IL1RAPL1: variants seen among roughly 807,000 people sequenced by gnomAD.
IL1RAPL1 encodes the protein interleukin 1 receptor accessory protein like 1.
IL1RAPL1 carries 3 observed loss-of-function variants against 48.4 expected under a neutral mutation model. The ratio of observed to expected loss-of-function variants is 0.06; its 90% CI spans 0.03 to 0.16. The LOEUF (loss-of-function observed/expected upper bound fraction) is 0.16, where lower values mean the gene tolerates loss of function less well. IL1RAPL1 is among the 10% of genes least tolerant of loss of function. IL1RAPL1 has a pLI of 1.00. For synonymous variants in IL1RAPL1, 185 were observed against 187.7 expected (o/e 0.99, Z 0.12); for missense variants, 349 against 530.6 (o/e 0.66, Z 3.36).
At chrX:28,954,561 T>C (rs1170933121) in intron 2 of IL1RAPL1, among the ~76,000 whole-genome samples, 1 of 110,248 alleles carries the variant, frequency 9.1e-6, no homozygotes, top group Non-Finnish European at 1.9e-5. Context: ...AAATGGAAAA[T>C]TTTTAGCACT....
chrX:28,605,953 C>T (rs1234969284), intron 1 of IL1RAPL1, among the ~76,000 whole-genome samples: 1 of 110,881 alleles, frequency 9.0e-6, no homozygotes, highest in Non-Finnish European at 1.9e-5. Context: ...GCTTACCTGT[C>T]ATCTTCTCCA....
intron 2 of IL1RAPL1, among the ~76,000 whole-genome samples, chrX:29,031,763 C>G (rs1172745412): frequency 9.0e-6 from 1 of 111,116 alleles, no homozygotes; most frequent in Non-Finnish European, 1.9e-5. Context: ...CATACGGATC[C>G]TTTTACGGTT....
chrX:29,574,007 C>T (rs1602304723), intron 5 of IL1RAPL1, among the ~76,000 whole-genome samples: 1 of 110,636 alleles, frequency 9.0e-6, no homozygotes, highest in Admixed American at 9.7e-5. Context: ...AGTCCATTCT[C>T]ACATTGCTAT....
At chrX:29,417,164 G>T (rs1019622622) in intron 5 of IL1RAPL1, among the ~76,000 whole-genome samples, 1 of 111,414 alleles carries the variant, frequency 9.0e-6, no homozygotes, top group Admixed American at 9.6e-5. Flanking sequence ...AATATTGAAG[G>T]CTCTTTCTTG....
At chrX:29,945,201 C>A (rs1240492098) in intron 9 of IL1RAPL1, among the ~76,000 whole-genome samples, 1 of 111,599 alleles carries the variant, frequency 9.0e-6, no homozygotes, top group African/African-American at 3.3e-5. Flanking sequence ...AGTCACAGCC[C>A]CTTAGAGCCT....
At chrX:29,639,568 A>T (rs1602340821) in intron 5 of IL1RAPL1, among the ~76,000 whole-genome samples, 3 of 93,623 alleles carry the variant, frequency 3.2e-5, no homozygotes, top group Admixed American at 1.2e-4. Context: ...TTTTTTTTTT[A>T]AAGCCTGAAT....
chrX:29,849,476 T>C (rs60910416), intron 6 of IL1RAPL1, among the ~76,000 whole-genome samples: 8,195 of 111,639 alleles, frequency 0.073, 507 homozygotes, highest in East Asian at 0.32. Flanking sequence ...AAATATTTTC[T>C]CAGGTATTGA....
intron 1 of IL1RAPL1, among the ~76,000 whole-genome samples, chrX:28,788,601 G>A (rs1208965585): frequency 9.3e-6 from 1 of 107,007 alleles, no homozygotes; most frequent in African/African-American, 3.4e-5. Flanking sequence ...CAAGTAGCTG[G>A]GCCTACAGGT....
intron 2 of IL1RAPL1, among the ~76,000 whole-genome samples, chrX:28,937,380 T>G (rs1193009300): frequency 1.8e-5 from 2 of 110,913 alleles, no homozygotes; most frequent in Non-Finnish European, 1.9e-5. Context: ...CCTACTTGAT[T>G]AAGGTAACTC....
At chrX:29,882,835 C>G (rs1369951329) in intron 6 of IL1RAPL1, among the ~76,000 whole-genome samples, 1 of 111,856 alleles carries the variant, frequency 8.9e-6, no homozygotes, top group Non-Finnish European at 1.9e-5. Flanking sequence ...CACAATCATA[C>G]AGGCCATACT....
At chrX:28,631,820 C>T (rs768255344) in intron 1 of IL1RAPL1, among the ~76,000 whole-genome samples, 4 of 112,159 alleles carry the variant, frequency 3.6e-5, no homozygotes, top group Non-Finnish European at 5.6e-5. Context: ...CATAAGTACT[C>T]CTAGCTTTGT....
chrX:29,202,315 A>G (rs1310499315), intron 2 of IL1RAPL1, among the ~76,000 whole-genome samples: 2 of 112,040 alleles, frequency 1.8e-5, no homozygotes, highest in Non-Finnish European at 3.8e-5. Context: ...ATGAGATACC[A>G]TCTCACATCA....
chrX:29,061,846 C>T lies in IL1RAPL1; in HGVS notation c.83-221092C>T, dbSNP rs139050350. On this transcript the variant is annotated intron_variant, in intron 2 of 10. Coordinates refer to ENST00000378993, the MANE Select transcript of IL1RAPL1 (RefSeq NM_014271.4). ...TTGTTGGTAATACTGTGTAGTTGTT[C>T]TTTAGTTGTCATTTCAAAACCAAAG... 4.8e-3 allele frequency among the ~76,000 whole-genome samples: 544 copies of T among 112,356 alleles called. 1 individual carries two copies. The highest frequency in any genetic ancestry group is 0.017 in the African/African-American group (514 of 30,983).
chrX:29,550,231 G>A (rs1171575781), intron 5 of IL1RAPL1, among the ~76,000 whole-genome samples: 1 of 109,675 alleles, frequency 9.1e-6, no homozygotes, highest in Admixed American at 9.7e-5. Context: ...TCACTCTGTC[G>A]CCCAGGCTGG....
At chrX:29,509,588 C>G (rs761605061) in intron 5 of IL1RAPL1, among the ~76,000 whole-genome samples, 3 of 111,753 alleles carry the variant, frequency 2.7e-5, no homozygotes, top group Admixed American at 9.5e-5. Flanking sequence ...ATTATAAAAC[C>G]CAGATGGAAA....
At chrX:29,424,849 G>A (rs965704971) in intron 5 of IL1RAPL1, among the ~76,000 whole-genome samples, 2 of 111,729 alleles carry the variant, frequency 1.8e-5, no homozygotes, top group African/African-American at 6.5e-5. Context: ...ACATTATGAA[G>A]GAACGCACTA....
intron 1 of IL1RAPL1, among the ~76,000 whole-genome samples, chrX:28,700,269 G>T (rs757408455): frequency 1.8e-5 from 2 of 110,814 alleles, no homozygotes; most frequent in Non-Finnish European, 3.8e-5. Flanking sequence ...GGAAGAAGTA[G>T]CTACTTAATT....
intron 6 of IL1RAPL1, among the ~76,000 whole-genome samples, chrX:29,904,357 TC>T (rs1932564739): frequency 9.7e-6 from 1 of 103,265 alleles, no homozygotes; most frequent in Admixed American, 1.0e-4. Context: ...TATTGCTGAT[TC>T]TTTTTTTAAT....
intron 5 of IL1RAPL1, among the ~76,000 whole-genome samples, chrX:29,573,127 C>A (rs1037078612): frequency 1.9e-4 from 21 of 111,972 alleles, no homozygotes; most frequent in Admixed American, 1.8e-3. Context: ...CATGGAAGGA[C>A]AAACAAACTC....
Sources: allele counts gnomAD v4.1 joint callset (sites outside exome capture counted in the v4.1 genomes callset), GRCh38; gene constraint gnomAD v4.1.1; transcripts MANE v1.5; gene names NCBI Gene and HGNC (gene_info 2026-07-23, HGNC 2026-07-21).